The following MMAA variants were observed in gnomAD, a reference collection of about 807,000 sequenced individuals.
MMAA encodes the protein methylmalonic aciduria type A protein, mitochondrial.
In MMAA, 41 loss-of-function variants were observed where a neutral mutation model predicts 45.0. That is an observed-to-expected ratio of 0.91 (90% CI 0.71 to 1.18). MMAA has a LOEUF of 1.18. Among genes scored for constraint, MMAA ranks in the 50% most tolerant of loss-of-function variants. MMAA has a pLI of 0.00. For missense variants in MMAA, 460 were observed against 495.7 expected (o/e 0.93, Z 0.68); for synonymous variants, 154 against 178.2 (o/e 0.86, Z 1.08).
chr4:145,645,094 A>G (rs1162547383), intron 3 of MMAA, among the ~76,000 whole-genome samples: 2 of 152,254 alleles, frequency 1.3e-5, no homozygotes, highest in African/African-American at 4.8e-5. Context: ...GGCGATTAGA[A>G]GCAACAGACT....
At chr4:145,652,205 T>C (rs930966497) in intron 5 of MMAA, among the ~76,000 whole-genome samples, 19 of 152,186 alleles carry the variant, frequency 1.2e-4, no homozygotes, top group Non-Finnish European at 2.6e-4. Flanking sequence ...TCCTGGCATA[T>C]TGATGTGTAT....
At chr4:145,645,962 A>G (rs935276137) in intron 3 of MMAA, 24 bp from the exon 4 acceptor site, 2 of 1,612,144 alleles carry the variant, frequency 1.2e-6, no homozygotes. Flanking sequence ...TTCCATGATT[A>G]TAAAATGTAA....
At chr4:145,642,685 G>A (rs905427834) in intron 3 of MMAA, 200 bp downstream of exon 3, 10 of 665,186 alleles carry the variant, frequency 1.5e-5, no homozygotes, top group Non-Finnish European at 2.6e-5. Flanking sequence ...CCAGCTTGTG[G>A]ATAGCTCAGT....
chr4:145,628,957 T>C (rs1734263159), intron 1 of MMAA, among the ~76,000 whole-genome samples: 2 of 152,226 alleles, frequency 1.3e-5, no homozygotes, highest in South Asian at 4.1e-4. Flanking sequence ...CACTTCCTCT[T>C]AATCTTGAAT....
At chr4:145,625,409 G>C in intron 1 of MMAA, 3 of 704,124 alleles carry the variant, frequency 4.3e-6, no homozygotes. Context: ...ACCACTGGCA[G>C]GTTTGCTTCC....
Position 145,623,546 on chromosome 4 carries a change from A to G in MMAA, c.-66+4139A>G, listed in dbSNP as rs554451514. ...TCTTTCAAGTGAAGAATAATAATGTAGAACATGTAGTCTAAAATGTTTGGT... is the reference window on the plus strand; with the variant it reads ...TCTTTCAAGTGAAGAATAATAATGTGGAACATGTAGTCTAAAATGTTTGGT... On this transcript the variant is annotated intron_variant, in intron 1 of 6. Coordinates refer to ENST00000649156, the MANE Select transcript of MMAA (RefSeq NM_172250.3). Among the ~76,000 whole-genome samples, 15 of 152,368 alleles carry G rather than the reference A, an allele frequency of 9.8e-5. No individual in the cohort carries two copies. The East Asian group carries it at 2.3e-3, about 23-fold the overall frequency.
intron 5 of MMAA, among the ~76,000 whole-genome samples, chr4:145,651,622 C>T (rs1728092311): frequency 6.6e-6 from 1 of 152,228 alleles, no homozygotes; most frequent in African/African-American, 2.4e-5. Context: ...ACTGCAGACA[C>T]TACTAGCTGC....
At chr4:145,623,813 CTT>C (rs1734138239) in intron 1 of MMAA, among the ~76,000 whole-genome samples, 1 of 152,096 alleles carries the variant, frequency 6.6e-6, no homozygotes, top group Admixed American at 6.5e-5. Flanking sequence ...ATTTTTAAAA[CTT>C]GAGTGTTTTA....
At chr4:145,634,357 G>C (rs974253406) in intron 1 of MMAA, among the ~76,000 whole-genome samples, 1 of 152,114 alleles carries the variant, frequency 6.6e-6, no homozygotes, top group Admixed American at 6.6e-5. Context: ...ACAGGCCCAT[G>C]AAGAGTGCTA....
At chr4:145,630,238 A>G (rs1051531880) in intron 1 of MMAA, among the ~76,000 whole-genome samples, 2 of 152,154 alleles carry the variant, frequency 1.3e-5, no homozygotes, top group Admixed American at 6.5e-5. Flanking sequence ...TAGGTTATAT[A>G]TGTCTAGGAA....
At chr4:145,651,216 T>C (rs978261211) in intron 5 of MMAA, 69 bp downstream of exon 5, 16 of 1,351,114 alleles carry the variant, frequency 1.2e-5, no homozygotes, top group Non-Finnish European at 1.7e-5. Context: ...TTTCCAATGT[T>C]GTGTTTTTGT....
At chr4:145,642,812 C>T (rs1004637490) in intron 3 of MMAA, 1 of 344,628 alleles carries the variant, frequency 2.9e-6, no homozygotes. Context: ...GTTGTGTTTC[C>T]TGGCTGCATT....
intron 1 of MMAA, among the ~76,000 whole-genome samples, chr4:145,622,487 G>T (rs1261600938): frequency 1.3e-5 from 2 of 151,930 alleles, no homozygotes; most frequent in Non-Finnish European, 2.9e-5. Flanking sequence ...TTGTAAAGCT[G>T]GGGAATTTCT....
At chr4:145,633,120 G>C (rs1727501723) in intron 1 of MMAA, among the ~76,000 whole-genome samples, 1 of 149,570 alleles carries the variant, frequency 6.7e-6, no homozygotes, top group Non-Finnish European at 1.5e-5. Context: ...CAGTATGCCA[G>C]TTGCATTTAA....
intron 1 of MMAA, among the ~76,000 whole-genome samples, chr4:145,636,942 C>T (rs73852400): frequency 0.036 from 5,533 of 152,110 alleles, 134 homozygotes; most frequent in Non-Finnish European, 0.048. Context: ...TGAATGTGGC[C>T]CTATTTGGAA....
chr4:145,641,609 A>C (rs911293576), intron 2 of MMAA, among the ~76,000 whole-genome samples: 4 of 152,210 alleles, frequency 2.6e-5, no homozygotes, highest in Non-Finnish European at 5.9e-5. Flanking sequence ...ACATTAACTC[A>C]TCTAATTCTT....
intron 3 of MMAA, among the ~76,000 whole-genome samples, chr4:145,645,103 C>T (rs1404714050): frequency 6.6e-6 from 1 of 152,194 alleles, no homozygotes; most frequent in Non-Finnish European, 1.5e-5. Flanking sequence ...AAGCAACAGA[C>T]TGGGCAGAAG....
intron 1 of MMAA, 61 bp from the exon 2 acceptor site, chr4:145,639,014 T>G: frequency 1.1e-6 from 1 of 872,024 alleles, no homozygotes; most frequent in Non-Finnish European, 1.9e-6. Flanking sequence ...GCTTTCAAAT[T>G]TTACTACTTC....
intron 1 of MMAA, chr4:145,624,077 A>T: frequency 1.2e-6 from 1 of 859,616 alleles, no homozygotes; most frequent in Admixed American, 1.7e-5. Flanking sequence ...ACCCAGAAAC[A>T]CAATGATTTG....
Sources: gnomAD v4.1 joint callset for allele counts (sites outside exome capture counted in the v4.1 genomes callset) on GRCh38, gnomAD v4.1.1 for gene constraint, MANE v1.5 for transcripts, NCBI Gene and HGNC (gene_info 2026-07-23, HGNC 2026-07-21) for gene names.